WDR3: variants seen among roughly 807,000 people sequenced by gnomAD.
WDR3 encodes the protein WD repeat domain 3.
WDR3 carries 81 observed loss-of-function variants against 123.7 expected under a neutral mutation model. The observed-to-expected ratio is 0.65, with a 90% confidence interval of 0.55 to 0.79. WDR3 has a LOEUF of 0.79. WDR3 is among the 30% of genes least tolerant of loss of function. The pLI is 0.00. For missense variants in WDR3, 1,027 were observed against 1,123.2 expected (o/e 0.91, Z 1.22); for synonymous variants, 390 against 388.8 (o/e 1.00, Z -0.04).
At chr1:117,930,080 C>A (rs1310292399) in intron 1 of WDR3, among the ~76,000 whole-genome samples, 2 of 152,214 alleles carry the variant, frequency 1.3e-5, no homozygotes, top group Non-Finnish European at 2.9e-5. Flanking sequence ...CCGTCACCCT[C>A]CCCTGACCGA....
intron 15 of WDR3, 95 bp downstream of exon 15, chr1:117,950,225 C>A: frequency 7.1e-7 from 1 of 1,409,728 alleles, no homozygotes; most frequent in Admixed American, 2.1e-5. Flanking sequence ...TGACTGTGCC[C>A]AGCGATAGTA....
intron 25 of WDR3, among the ~76,000 whole-genome samples, chr1:117,957,532 G>A (rs567140232): frequency 1.1e-3 from 166 of 152,316 alleles, no homozygotes; most frequent in Middle Eastern, 3.4e-3. Flanking sequence ...TAGTCAGTTT[G>A]CCAAAAGCCA....
intron 12 of WDR3, 103 bp downstream of exon 12, chr1:117,946,282 G>A: frequency 1.2e-6 from 1 of 802,216 alleles, no homozygotes; most frequent in Non-Finnish European, 1.9e-6. Context: ...ATGGACTGGA[G>A]CTAAGTAATC....
rs1285902417 is a variant in WDR3, at chr1:117,940,829, T to G, written c.678T>G (p.Ile226Met). The G allele has an allele frequency of 1.2e-6, 2 of 1,606,556 alleles. No individual in the cohort carries two copies. The highest frequency in any genetic ancestry group is 1.7e-6 in the Non-Finnish European group (2 of 1,177,568). Residue 226 changes from isoleucine (I) to methionine (M), a missense_variant and splice_region_variant, in exon 7 of 27, where the codon ATT becomes ATG. Physicochemically the swap from Ile to Met is conservative, Grantham distance 10 (BLOSUM62 1). Transcript: ENST00000349139. Reference sequence around the variant, plus strand: ...ATTTTCTCATTTTTATAAAACAGATTGAAGACCCGGAAGAACCAGACCCCA... The same window carrying G: ...ATTTTCTCATTTTTATAAAACAGATGGAAGACCCGGAAGAACCAGACCCCA... ...RVWDIAYLQE[I>M]EDPEEPDPKK...
rs144505423 is a variant in WDR3, at chr1:117,941,161, G to A, written c.827G>A (p.Arg276Gln). The part of the protein sequence containing the change: ...LSCRKAGSIM[R>Q]EGRDRVVNLA... ...TGCAGAAAAGCTGGTTCCATAATGC[G>A]GGAAGGAAGAGACAGAGTTGTAAAC... Residue 276 changes from arginine to glutamine, a missense_variant, in exon 8 of 27, where the codon CGG (arginine) becomes CAG (glutamine). Physicochemically the swap from Arg to Gln is conservative, Grantham distance 43. Transcript: ENST00000349139. 1.3e-4 allele frequency: 208 copies of A among 1,613,942 alleles called. No individual in the cohort carries two copies. The highest frequency in any genetic ancestry group is 5.5e-5 in the South Asian group (5 of 91,086).
chr1:117,931,122 A>G (rs1352270861), intron 1 of WDR3, among the ~76,000 whole-genome samples: 1 of 151,998 alleles, frequency 6.6e-6, no homozygotes, highest in East Asian at 1.9e-4. Context: ...TTTTGTAGAG[A>G]TAGGTTCTTG....
At chr1:117,931,933 C>T (rs1422130635) in intron 1 of WDR3, among the ~76,000 whole-genome samples, 1 of 152,104 alleles carries the variant, frequency 6.6e-6, no homozygotes, top group Non-Finnish European at 1.5e-5. Flanking sequence ...TAGACTAAAA[C>T]AGCATTTGAT....
At chr1:117,948,057 T>G (rs1423274053) in intron 12 of WDR3, among the ~76,000 whole-genome samples, 1 of 152,194 alleles carries the variant, frequency 6.6e-6, no homozygotes, top group Non-Finnish European at 1.5e-5. Flanking sequence ...TAAAGGCTTT[T>G]AGGTTTGCAT....
intron 10 of WDR3, 72 bp downstream of exon 10, chr1:117,942,616 T>C: frequency 7.4e-7 from 1 of 1,343,360 alleles, no homozygotes; most frequent in Non-Finnish European, 1.1e-6. Context: ...TTTCATGCTA[T>C]TTGTAAGCTG....
Position 117,952,545 on chromosome 1 carries a change from A to G in WDR3, c.2034A>G (p.Ile678Met), listed in dbSNP as rs1355000342. 14 of 1,611,784 alleles carry G rather than the reference A, an allele frequency of 8.7e-6. No individual in the cohort carries two copies. In the South Asian group the frequency reaches 8.8e-5, roughly 10 times the overall value. Residue 678 changes from isoleucine to methionine, a missense_variant, in exon 19 of 27, where the codon ATA becomes ATG. By Grantham distance (10) the Ile-to-Met change is conservative (BLOSUM62 1). Transcript: ENST00000349139. ...TCCTCCAGGGTCATCACCAGGAAAT[A>G]TGGTGTTTGGCTGTAAGCCCCAGTG... is the stretch of plus-strand genomic sequence containing the variant. ...IQTLEGHHQE[I>M]WCLAVSPSGD...
chr1:117,948,470 T>C lies in WDR3; in HGVS notation c.1488T>C (p.Asp496=). 1 of 1,614,034 alleles carries C rather than the reference T, an allele frequency of 6.2e-7. No homozygotes were observed. Among genetic ancestry groups the C allele is most frequent in the Non-Finnish European group, 8.5e-7 (1 of 1,179,960 alleles). Residue 496 remains aspartate (D), a synonymous_variant, in exon 13 of 27, where the codon GAT becomes GAC. Coordinates refer to ENST00000349139, the MANE Select transcript of WDR3 (RefSeq NM_006784.3). ...TGCTGGAGACAATAGATGCACATGA[T>C]GGAGCTTTGTGGTCCATGTCCCTCT... The part of the protein sequence containing the change: ...GNLLETIDAH[D]GALWSMSLSP...
intron 11 of WDR3, among the ~76,000 whole-genome samples, chr1:117,944,600 A>G (rs1347154648): frequency 1.3e-5 from 2 of 152,216 alleles, no homozygotes; most frequent in Non-Finnish European, 2.9e-5. Flanking sequence ...CATGTCTCCA[A>G]AAATCTTCCC....
chr1:117,956,955 T>A (rs1652289226), intron 24 of WDR3, 113 bp from the exon 25 acceptor site: 1 of 890,776 alleles, frequency 1.1e-6, no homozygotes, highest in Non-Finnish European at 1.6e-6. Context: ...CTAGGCAAGA[T>A]GTATCCAAGT....
chr1:117,941,921 T>C, intron 9 of WDR3, 74 bp downstream of exon 9: 1 of 1,476,126 alleles, frequency 6.8e-7, no homozygotes, highest in Non-Finnish European at 8.9e-7. Flanking sequence ...AAAAACTGGC[T>C]TCTTTCATAT....
Position 117,963,362 on chromosome 1 carries a change from T to C in WDR3, c.*3915T>C, listed in dbSNP as rs1653358516. Reference sequence around the variant, plus strand: ...ACTAGTATAGTTATTTAAACAAATATTTTCTTTTTTTTTTTTTTTGAGACA... The same window carrying C: ...ACTAGTATAGTTATTTAAACAAATACTTTCTTTTTTTTTTTTTTTGAGACA... On this transcript the variant is annotated 3_prime_UTR_variant, in exon 27 of 27. Coordinates refer to ENST00000349139, the MANE Select transcript of WDR3 (RefSeq NM_006784.3). 6.6e-6 allele frequency: 1 copy of C among 152,432 alleles called. No homozygotes were observed. Among genetic ancestry groups the C allele is most frequent in the South Asian group, 2.1e-4 (1 of 4,854 alleles). The allele number at this position is 152,432 out of a possible 1,614,324, so 9.4% of individuals were successfully genotyped here.
At chr1:117,946,984 A>G (rs1283561265) in intron 12 of WDR3, among the ~76,000 whole-genome samples, 1 of 151,462 alleles carries the variant, frequency 6.6e-6, no homozygotes, top group African/African-American at 2.4e-5. Context: ...AGCAAGTCAC[A>G]TAACTGCTCA....
intron 11 of WDR3, among the ~76,000 whole-genome samples, chr1:117,945,513 A>G (rs963925098): frequency 6.6e-6 from 1 of 152,100 alleles, no homozygotes; most frequent in Non-Finnish European, 1.5e-5. Flanking sequence ...TCCCAGCATT[A>G]TGTTGCTCTA....
chr1:117,934,785 C>A, intron 3 of WDR3, 103 bp downstream of exon 3: 2 of 1,154,136 alleles, frequency 1.7e-6, no homozygotes, highest in Non-Finnish European at 1.2e-6. Flanking sequence ...AATGGGCTGT[C>A]AATATACAAA....
intron 11 of WDR3, among the ~76,000 whole-genome samples, chr1:117,944,766 A>G (rs981751999): frequency 1.6e-4 from 24 of 152,180 alleles, no homozygotes; most frequent in African/African-American, 5.3e-4. Context: ...CATTGATGTG[A>G]TCTCGCCTCA....
Sources: gnomAD v4.1 joint callset for allele counts (sites outside exome capture counted in the v4.1 genomes callset) on GRCh38, gnomAD v4.1.1 for gene constraint, MANE v1.5 for transcripts, NCBI Gene and HGNC (gene_info 2026-07-23, HGNC 2026-07-21) for gene names.